The following EPHA6 variants were observed in gnomAD, a reference collection of about 807,000 sequenced individuals.
EPHA6 encodes the protein EPH receptor A6.
Under a neutral mutation model 112.0 loss-of-function variants are expected in EPHA6, and 50 were observed. The ratio of observed to expected loss-of-function variants is 0.45; its 90% CI spans 0.36 to 0.56. The LOEUF is 0.56. EPHA6 is among the 20% of genes least tolerant of loss of function. The pLI is 0.00. For synonymous variants in EPHA6, 529 were observed against 490.7 expected, an observed-to-expected ratio of 1.08 and a Z score of -1.03; for missense variants, 1,280 against 1,417.4, an observed-to-expected ratio of 0.90 and a Z score of 1.56.
intron 2 of EPHA6, among the ~76,000 whole-genome samples, chr3:96,951,488 T>C (rs1468003035): frequency 2.6e-5 from 4 of 152,142 alleles, no homozygotes; most frequent in African/African-American, 9.6e-5. Flanking sequence ...GCTGATGATA[T>C]ATTTTCTATT....
chr3:97,739,027 A>C (rs143560860), intron 16 of EPHA6, among the ~76,000 whole-genome samples: 1 of 152,158 alleles, frequency 6.6e-6, no homozygotes, highest in Admixed American at 6.5e-5. Context: ...TTTAGGGAGA[A>C]GAGACACAGT....
At chr3:96,983,917 G>A (rs1357744222) in intron 2 of EPHA6, among the ~76,000 whole-genome samples, 2 of 152,110 alleles carry the variant, frequency 1.3e-5, no homozygotes, top group East Asian at 1.9e-4. Context: ...GTCATTCAAG[G>A]ACTTCTCTGC....
chr3:97,511,180 G>A (rs1244860039), intron 10 of EPHA6, among the ~76,000 whole-genome samples: 1 of 151,990 alleles, frequency 6.6e-6, no homozygotes, highest in East Asian at 1.9e-4. Context: ...TTCCAGGGGA[G>A]TGAATGGTTC....
chr3:97,374,586 C>G (rs2108994527), intron 5 of EPHA6, among the ~76,000 whole-genome samples: 1 of 152,010 alleles, frequency 6.6e-6, no homozygotes, highest in African/African-American at 2.4e-5. Context: ...AACCTGTCAC[C>G]CAGGCAGTCA....
intron 3 of EPHA6, among the ~76,000 whole-genome samples, chr3:97,116,383 C>T (rs1349968612): frequency 1.3e-5 from 2 of 151,568 alleles, no homozygotes; most frequent in Admixed American, 6.6e-5. Context: ...AAGATCTACT[C>T]TAAGCAATTT....
At chr3:96,882,892 T>G (rs1483867647) in intron 2 of EPHA6, among the ~76,000 whole-genome samples, 1 of 152,154 alleles carries the variant, frequency 6.6e-6, no homozygotes, top group Non-Finnish European at 1.5e-5. Flanking sequence ...TAAACATGCG[T>G]GTGCGAGTAT....
At chr3:97,123,359 C>A (rs2048096120) in intron 3 of EPHA6, among the ~76,000 whole-genome samples, 1 of 152,032 alleles carries the variant, frequency 6.6e-6, no homozygotes, top group Non-Finnish European at 1.5e-5. Context: ...TATATTCATA[C>A]TACAAGTAAG....
At chr3:97,727,157 C>T (rs1162032029) in intron 15 of EPHA6, among the ~76,000 whole-genome samples, 1 of 152,018 alleles carries the variant, frequency 6.6e-6, no homozygotes, top group Non-Finnish European at 1.5e-5. Context: ...TTGAGGTTTA[C>T]TAGAAAACAG....
chr3:97,430,611 A>G (rs1559997495), intron 6 of EPHA6, among the ~76,000 whole-genome samples: 1 of 152,144 alleles, frequency 6.6e-6, no homozygotes, highest in Non-Finnish European at 1.5e-5. Flanking sequence ...CTTCAAAACT[A>G]TAATTTGATT....
At chr3:97,293,170 G>A (rs1331094922) in intron 5 of EPHA6, among the ~76,000 whole-genome samples, 4 of 151,774 alleles carry the variant, frequency 2.6e-5, no homozygotes, top group Non-Finnish European at 5.9e-5. Flanking sequence ...CCCAGCAAGC[G>A]TCCAGCTCTC....
chr3:97,265,369 C>A (rs905051023), intron 5 of EPHA6, among the ~76,000 whole-genome samples: 2 of 152,168 alleles, frequency 1.3e-5, no homozygotes, highest in African/African-American at 4.8e-5. Flanking sequence ...GCTGTCACCA[C>A]CCCCAACATC....
Position 97,551,286 on chromosome 3 carries a change from G to T in EPHA6, c.2386+18743G>T, listed in dbSNP as rs116299799. 2.7e-3 allele frequency among the ~76,000 whole-genome samples: 411 copies of T among 152,232 alleles called. 4 individuals are homozygous for T. The highest frequency in any genetic ancestry group is 9.1e-3 in the African/African-American group (378 of 41,570). ...GAAATGAATACAGAAATAGAGCACA[G>T]TCTTCTGTTTTCTGGGCCTGAGAAG... On this transcript the variant is annotated intron_variant, in intron 11 of 17. Transcript: ENST00000389672.
At chr3:97,437,178 A>G (rs2089894645) in intron 6 of EPHA6, among the ~76,000 whole-genome samples, 1 of 152,136 alleles carries the variant, frequency 6.6e-6, no homozygotes, top group Admixed American at 6.6e-5. Context: ...GGTATACAAC[A>G]TGATGTTATG....
intron 1 of EPHA6, among the ~76,000 whole-genome samples, chr3:96,823,990 AG>A (rs2033471428): frequency 6.6e-6 from 1 of 151,820 alleles, no homozygotes; most frequent in South Asian, 2.1e-4. Context: ...TAGAGCAAAA[AG>A]GTACTTATAG....
chr3:97,131,578 C>T (rs1185267527), intron 3 of EPHA6, among the ~76,000 whole-genome samples: 1 of 152,032 alleles, frequency 6.6e-6, no homozygotes, highest in Non-Finnish European at 1.5e-5. Context: ...CACAGAGTTA[C>T]TTCATTCTTC....
intron 16 of EPHA6, among the ~76,000 whole-genome samples, chr3:97,744,064 T>C (rs965271478): frequency 3.4e-4 from 52 of 152,110 alleles, no homozygotes; most frequent in Admixed American, 1.0e-3. Context: ...TATTTATTAC[T>C]AAACTGTAAC....
At chr3:97,602,125 G>T (rs1443347696) in intron 12 of EPHA6, among the ~76,000 whole-genome samples, 1 of 151,826 alleles carries the variant, frequency 6.6e-6, no homozygotes, top group East Asian at 1.9e-4. Flanking sequence ...TCTCATATAT[G>T]CCTCTTACAA....
At chr3:97,087,188 T>A (rs2046928725) in intron 3 of EPHA6, among the ~76,000 whole-genome samples, 1 of 152,098 alleles carries the variant, frequency 6.6e-6, no homozygotes, top group South Asian at 2.1e-4. Context: ...GTTCCTGGAA[T>A]TTACAGACAG....
Position 97,181,477 on chromosome 3 carries a change from G to A in EPHA6, c.1115-44787G>A, listed in dbSNP as rs557009370. Among the ~76,000 whole-genome samples the A allele has an allele frequency of 1.4e-3, 217 of 151,910 alleles. 1 individual carries two copies. Among genetic ancestry groups the A allele is most frequent in the Non-Finnish European group, 2.6e-3 (178 of 67,958 alleles). On this transcript the variant is annotated intron_variant, in intron 3 of 17. Transcript: ENST00000389672. ...CTCCTCCCTTTCCTTGTTTGTTGACGTTCCCTAGCATGCAAAGTAAGTCAT... is the reference window on the plus strand; with the variant it reads ...CTCCTCCCTTTCCTTGTTTGTTGACATTCCCTAGCATGCAAAGTAAGTCAT...
Sources: gnomAD v4.1 joint callset for allele counts (sites outside exome capture counted in the v4.1 genomes callset) on GRCh38, gnomAD v4.1.1 for gene constraint, MANE v1.5 for transcripts, NCBI Gene and HGNC (gene_info 2026-07-23, HGNC 2026-07-21) for gene names.